VCAN: variants seen among roughly 807,000 people sequenced by gnomAD.
The protein encoded by VCAN is versican core protein.
Under a neutral mutation model 245.5 loss-of-function variants are expected in VCAN, and 44 were observed. The ratio of observed to expected loss-of-function variants is 0.18; its 90% CI spans 0.14 to 0.23. The LOEUF is 0.23. Among genes scored for constraint, VCAN ranks in the 10% least tolerant of loss-of-function variants. The pLI is 1.00. For missense variants in VCAN, 3,793 were observed against 4,057.9 expected (o/e 0.93, Z 1.77); for synonymous variants, 1,413 against 1,437.0 (o/e 0.98, Z 0.38).
chr5:83,525,798 T>G (rs1411591027), intron 7 of VCAN, among the ~76,000 whole-genome samples: 1 of 152,190 alleles, frequency 6.6e-6, no homozygotes, highest in African/African-American at 2.4e-5. Flanking sequence ...AAAGATTAAT[T>G]ACATTTTGAG....
intron 3 of VCAN, 47 bp downstream of exon 3, chr5:83,490,519 G>C (rs761302096): frequency 1.2e-6 from 2 of 1,609,088 alleles, no homozygotes; most frequent in South Asian, 1.1e-5. Context: ...ATGACACCTG[G>C]TTCAGAAGCA....
chr5:83,552,871 A>G (rs1045656558), intron 10 of VCAN, among the ~76,000 whole-genome samples: 8 of 143,012 alleles, frequency 5.6e-5, no homozygotes, highest in Admixed American at 5.5e-4. Flanking sequence ...TTACATGACA[A>G]GAGCCTGTGA....
At chr5:83,494,670 G>A (rs181770440) in intron 5 of VCAN, among the ~76,000 whole-genome samples, 189 of 152,320 alleles carry the variant, frequency 1.2e-3, no homozygotes, top group Non-Finnish European at 2.0e-3. Context: ...AAGGCACAGG[G>A]AGGTGGGCAC....
At chr5:83,524,568 C>G (rs1295651124) in intron 7 of VCAN, among the ~76,000 whole-genome samples, 1 of 151,738 alleles carries the variant, frequency 6.6e-6, no homozygotes, top group African/African-American at 2.4e-5. Flanking sequence ...ACCTACCTAC[C>G]TACCTACCTA....
chr5:83,517,701 G>A (rs978035785), intron 6 of VCAN, among the ~76,000 whole-genome samples: 1 of 152,136 alleles, frequency 6.6e-6, no homozygotes, highest in Non-Finnish European at 1.5e-5. Flanking sequence ...TTAAAAAGGG[G>A]AGGAAAAGGT....
At chr5:83,534,469 A>C (rs1292776023) in intron 7 of VCAN, among the ~76,000 whole-genome samples, 1 of 152,026 alleles carries the variant, frequency 6.6e-6, no homozygotes, top group African/African-American at 2.4e-5. Context: ...TTTCTTATTT[A>C]AAATCTTTTC....
In VCAN at chr5:83,508,287, TTG is replaced by T. The variant is rs576295578; in HGVS notation, c.749-3814_749-3813del. Among the ~76,000 whole-genome samples the T allele has an allele frequency of 2.6e-4, 40 of 152,356 alleles. No homozygotes were observed. The South Asian group carries it at 8.3e-3, about 32-fold the overall frequency. ...GAAACTTAGTACTAAGTTATGTGTGTTGTAAGTTAATTGAGAGTCCTCTTCTT... is the reference window on the plus strand; with the variant it reads ...GAAACTTAGTACTAAGTTATGTGTGTTAAGTTAATTGAGAGTCCTCTTCTT... On this transcript the variant is annotated intron_variant, in intron 5 of 14. Transcript: ENST00000265077.
Position 83,541,025 on chromosome 5 carries a change from C to A in VCAN, c.8022C>A (p.Ile2674=), listed in dbSNP as rs759832423. 78 of 1,613,956 alleles carry A rather than the reference C, an allele frequency of 4.8e-5. 1 individual carries two copies. In the Middle Eastern group the frequency reaches 1.2e-3, roughly 24 times the overall value. Residue 2674 remains isoleucine (I), a synonymous_variant, in exon 8 of 15, where the codon ATC becomes ATA. Coordinates refer to ENST00000265077, the MANE Select transcript of VCAN (RefSeq NM_004385.5). ...TGGGCTTTCACTTCACAACTGGGAT[C>A]CCTGCTCCTAGCACAGAAACAGAAT... ...DHMGFHFTTG[I]PAPSTETELD...
chr5:83,525,923 A>G (rs1434929080), intron 7 of VCAN, among the ~76,000 whole-genome samples: 1 of 152,050 alleles, frequency 6.6e-6, no homozygotes, highest in African/African-American at 2.4e-5. Context: ...CCATATTTAC[A>G]TCATTGATTG....
intron 1 of VCAN, among the ~76,000 whole-genome samples, chr5:83,477,507 T>C (rs1488419402): frequency 3.9e-5 from 6 of 151,972 alleles, no homozygotes; most frequent in Non-Finnish European, 8.8e-5. Flanking sequence ...ATGAATCAAA[T>C]ATGAAATGTA....
Position 83,579,977 on chromosome 5 carries a change from T to C in VCAN, c.9881-3T>C, listed in dbSNP as rs1332093007. Reference sequence around the variant, plus strand: ...GGAAATAACCCAATTTGCTTTCCTTTAGTCGCTTGCGGCCAGCCCCCTGTT... The same window carrying C: ...GGAAATAACCCAATTTGCTTTCCTTCAGTCGCTTGCGGCCAGCCCCCTGTT... On this transcript the variant is annotated splice_region_variant and splice_polypyrimidine_tract_variant and intron_variant, in intron 13 of 14. Coordinates refer to ENST00000265077, the MANE Select transcript of VCAN (RefSeq NM_004385.5). 6.2e-7 allele frequency: 1 copy of C among 1,613,954 alleles called. No homozygotes were observed. The highest frequency in any genetic ancestry group is 1.7e-5 in the Admixed American group (1 of 59,988).
At chr5:83,558,625 A>G (rs1190323944) in intron 12 of VCAN, among the ~76,000 whole-genome samples, 1 of 152,176 alleles carries the variant, frequency 6.6e-6, no homozygotes, top group East Asian at 1.9e-4. Flanking sequence ...TTTGCTTTCA[A>G]TAAACTTACA....
chr5:83,538,191 G>A lies in VCAN; in HGVS notation c.5188G>A (p.Gly1730Arg). ...VEEKKRKEEE[G>R]TTGTASTFEV... ...GGAAAAGAAAAGGAAGGAGGAGGAGGGAACTACAGGTACGGCTTCTACATT... is the reference window on the plus strand; with the variant it reads ...GGAAAAGAAAAGGAAGGAGGAGGAGAGAACTACAGGTACGGCTTCTACATT... Residue 1730 changes from glycine to arginine, a missense_variant, in exon 8 of 15, where the codon GGA (glycine) becomes AGA (arginine). Gly to Arg is a moderately radical substitution (Grantham distance 125, BLOSUM62 -2). Around this residue, in one of 5 missense-constraint regions of VCAN, gnomAD observed 3,182 missense variants for 3,250.3 expected, o/e 0.98. Coordinates refer to ENST00000265077, the MANE Select transcript of VCAN (RefSeq NM_004385.5). 1 of 1,613,844 alleles carries A rather than the reference G, an allele frequency of 6.2e-7. No homozygotes were observed.
At chr5:83,566,470 T>C (rs160186) in intron 12 of VCAN, among the ~76,000 whole-genome samples, 127,446 of 152,182 alleles carry the variant, frequency 0.84, 53,916 homozygotes, top group African/African-American at 0.96. Context: ...ACAGTTGGGA[T>C]TTCCTAGACA....
In VCAN at chr5:83,540,259, C is replaced by G; in HGVS notation, c.7256C>G (p.Pro2419Arg). 1 of 1,614,064 alleles carries G rather than the reference C, an allele frequency of 6.2e-7. No individual in the cohort carries two copies. Among genetic ancestry groups the G allele is most frequent in the Non-Finnish European group, 8.5e-7 (1 of 1,179,986 alleles). The change falls in exon 8 of 15, where the codon CCA becomes CGA. Residue 2419 changes from proline (P) to arginine (R), a missense_variant. Physicochemically the swap from Pro to Arg is moderately radical, Grantham distance 103 (BLOSUM62 -2). Coordinates refer to ENST00000265077, the MANE Select transcript of VCAN (RefSeq NM_004385.5). ...EMAKEFVTSA[P>R]KPSDLYYEPS... ...GCCAAAGAATTTGTTACATCAGCACCAAAACCATCTGACTTGTATTATGAA... is the reference window on the plus strand; with the variant it reads ...GCCAAAGAATTTGTTACATCAGCACGAAAACCATCTGACTTGTATTATGAA...
Position 83,572,434 on chromosome 5 carries a change from C to T in VCAN, c.9754C>T (p.Pro3252Ser), listed in dbSNP as rs760052630. Residue 3252 changes from proline to serine, a missense_variant, in exon 13 of 15, where the codon CCC becomes TCC. Around this residue, in one of 5 missense-constraint regions of VCAN, gnomAD observed 205 missense variants for 321.1 expected, o/e 0.64. Transcript: ENST00000265077. ...TTTACAGCAATACGAGAATTGGAGACCCAACCAGCCAGACAGCTTCTTTTC... is the reference window on the plus strand; with the variant it reads ...TTTACAGCAATACGAGAATTGGAGATCCAACCAGCCAGACAGCTTCTTTTC... ...GSTLQYENWR[P>S]NQPDSFFSAG... 1.2e-6 allele frequency: 2 copies of T among 1,613,874 alleles called. No homozygotes were observed. The highest frequency in any genetic ancestry group is 1.7e-6 in the Non-Finnish European group (2 of 1,179,860).
At chr5:83,572,377 T>C (rs1395764243) in intron 12 of VCAN, 39 bp from the exon 13 acceptor site, 1 of 1,613,274 alleles carries the variant, frequency 6.2e-7, no homozygotes, top group Non-Finnish European at 8.5e-7. Flanking sequence ...CGTTACTTTT[T>C]GACTAGCAAG....
intron 12 of VCAN, among the ~76,000 whole-genome samples, chr5:83,556,728 A>G (rs1747681226): frequency 6.6e-6 from 1 of 152,164 alleles, no homozygotes; most frequent in Non-Finnish European, 1.5e-5. Context: ...GAATCTTTAT[A>G]TTACATTAAT....
At chr5:83,568,517 GC>G (rs1411295140) in intron 12 of VCAN, among the ~76,000 whole-genome samples, 6 of 152,132 alleles carry the variant, frequency 3.9e-5, no homozygotes, top group Non-Finnish European at 8.8e-5. Context: ...GGCAGTTTGA[GC>G]CCCGAGAATC....
Sources: gnomAD v4.1 joint callset for allele counts (sites outside exome capture counted in the v4.1 genomes callset) on GRCh38, gnomAD v4.1.1 for gene constraint, gnomAD v4.1.1 regional missense constraint, MANE v1.5 for transcripts, NCBI Gene and HGNC (gene_info 2026-07-23, HGNC 2026-07-21) for gene names.